EPHA5: variants seen among roughly 807,000 people sequenced by gnomAD.
The protein encoded by EPHA5 is EPH receptor A5.
EPHA5 carries 60 observed loss-of-function variants against 105.0 expected under a neutral mutation model. The ratio of observed to expected loss-of-function variants is 0.57; its 90% CI spans 0.46 to 0.71. The LOEUF is 0.71. Ranked by LOEUF, EPHA5 falls within the 30% of genes least tolerant of loss-of-function variation. The pLI is 0.00. For missense variants in EPHA5, 1,218 were observed against 1,274.7 expected, an observed-to-expected ratio of 0.96 and a Z score of 0.68; for synonymous variants, 513 against 449.1, an observed-to-expected ratio of 1.14 and a Z score of -1.80.
At chr4:65,353,175 G>T in intron 11 of EPHA5, 72 bp from the exon 12 acceptor site, 1 of 753,646 alleles carries the variant, frequency 1.3e-6, no homozygotes, top group Admixed American at 3.2e-5. Context: ...AGCTTACCCA[G>T]AAGTTTTTAT....
intron 11 of EPHA5, among the ~76,000 whole-genome samples, chr4:65,359,569 C>G (rs1199522528): frequency 1.3e-5 from 2 of 151,434 alleles, no homozygotes; most frequent in Non-Finnish European, 3.0e-5. Context: ...TTTGGAGGTA[C>G]TCAAGACAAA....
intron 3 of EPHA5, among the ~76,000 whole-genome samples, chr4:65,580,248 C>T (rs1741482537): frequency 6.6e-6 from 1 of 151,808 alleles, no homozygotes; most frequent in South Asian, 2.1e-4. Flanking sequence ...GTTATAGCTG[C>T]TGTAACTACA....
At position 65,414,323 on chromosome 4, in the gene EPHA5, C is replaced by T. The variant is rs2149018723; in HGVS notation, c.1648G>A (p.Val550Ile). 6.2e-7 allele frequency: 1 copy of T among 1,613,974 alleles called. No homozygotes were observed. Among genetic ancestry groups the T allele is most frequent in the South Asian group, 1.1e-5 (1 of 91,066 alleles). Residue 550 changes from valine to isoleucine, a missense_variant, in exon 7 of 17, where the codon GTC becomes ATC. Val to Ile is a conservative substitution (Grantham distance 29, BLOSUM62 3). Transcript: ENST00000613740. ...IRARTAAGYGVFSRRFEFETT... is the reference protein window; with the variant it reads ...IRARTAAGYGIFSRRFEFETT... ...TCAAACTCAAATCTTCGACTGAAGA[C>T]ACCATAGCCTGCTGCTGTACGTGCT...
At position 65,576,058 on chromosome 4, in the gene EPHA5, GAAAA is replaced by G. The variant is rs1560721074; in HGVS notation, c.910+25579_910+25582del. On this transcript the variant is annotated intron_variant, in intron 3 of 16. Transcript: ENST00000613740. Reference sequence around the variant, plus strand: ...AGAAAGAAAGAAAGAAAGAAAGAAAGAAAAGAAAAGAAAAGAAAAGAAAAGAAAA... The same window carrying G: ...AGAAAGAAAGAAAGAAAGAAAGAAAGGAAAAGAAAAGAAAAGAAAAGAAAA... 2.4e-3 allele frequency among the ~76,000 whole-genome samples: 123 copies of G among 50,828 alleles called. 2 individuals are homozygous for G. Among genetic ancestry groups the G allele is most frequent in the Middle Eastern group, 8.5e-3 (1 of 118 alleles). 33.3% of individuals were successfully genotyped at this position (50,828 alleles called of 152,430 possible).
chr4:65,474,274 T>C (rs10004866), intron 5 of EPHA5, among the ~76,000 whole-genome samples: 1 of 152,056 alleles, frequency 6.6e-6, no homozygotes, highest in Non-Finnish European at 1.5e-5. Context: ...GTTTTCATCT[T>C]CAAACGTCAT....
intron 5 of EPHA5, among the ~76,000 whole-genome samples, chr4:65,477,961 T>G (rs201186093): frequency 6.6e-6 from 1 of 152,146 alleles, no homozygotes; most frequent in East Asian, 1.9e-4. Flanking sequence ...CTAAAGTCAT[T>G]GAACAAAATA....
intron 5 of EPHA5, among the ~76,000 whole-genome samples, chr4:65,449,188 G>C (rs866886768): frequency 3.9e-5 from 6 of 152,014 alleles, no homozygotes; most frequent in Non-Finnish European, 5.9e-5. Context: ...CTATGACCAG[G>C]CAATTTGTAG....
At chr4:65,479,427 T>C (rs892706096) in intron 5 of EPHA5, among the ~76,000 whole-genome samples, 3 of 152,212 alleles carry the variant, frequency 2.0e-5, no homozygotes, top group Non-Finnish European at 4.4e-5. Flanking sequence ...AAATTTCTTC[T>C]GTTTAAATGT....
chr4:65,595,129 A>T (rs1743039960), intron 3 of EPHA5, among the ~76,000 whole-genome samples: 1 of 148,270 alleles, frequency 6.7e-6, no homozygotes, highest in Admixed American at 6.7e-5. Flanking sequence ...CCTAACTTCT[A>T]TGTTAAATGC....
chr4:65,359,988 G>A (rs748311185), intron 11 of EPHA5, among the ~76,000 whole-genome samples: 11 of 151,460 alleles, frequency 7.3e-5, no homozygotes, highest in Admixed American at 1.3e-4. Flanking sequence ...CCACTGCAGC[G>A]CCAATGGCCT....
At chr4:65,647,537 C>T (rs1033816843) in intron 1 of EPHA5, among the ~76,000 whole-genome samples, 1 of 151,990 alleles carries the variant, frequency 6.6e-6, no homozygotes, top group African/African-American at 2.4e-5. Context: ...GCAATGAATA[C>T]ATGAGTATTG....
intron 3 of EPHA5, among the ~76,000 whole-genome samples, chr4:65,583,944 C>T (rs1341772624): frequency 1.3e-5 from 2 of 151,406 alleles, no homozygotes; most frequent in South Asian, 2.1e-4. Flanking sequence ...AATATGTTTA[C>T]ACACTATATA....
chr4:65,321,228 C>G lies in EPHA5; in HGVS notation c.*2886G>C, dbSNP rs1225324600. The stretch of plus-strand genomic sequence containing the variant: ...TACAATAAGATTATGTATTATTTGC[C>G]AAATCTGTTGTATATACTAAAATTG... On this transcript the variant is annotated 3_prime_UTR_variant, in exon 17 of 17. Transcript: ENST00000613740. 1 of 230,306 alleles carries G rather than the reference C, an allele frequency of 4.3e-6. No individual in the cohort carries two copies. The highest frequency in any genetic ancestry group is 2.2e-5 in the African/African-American group (1 of 45,086). The allele number at this position is 230,306 out of a possible 1,614,324, so 14.3% of individuals were successfully genotyped here. A position where few individuals can be genotyped will look rare whatever the true frequency, so the allele number is the denominator to read the frequency against.
At chr4:65,598,584 A>AG (rs1743403628) in intron 3 of EPHA5, among the ~76,000 whole-genome samples, 2 of 152,186 alleles carry the variant, frequency 1.3e-5, no homozygotes, top group African/African-American at 4.8e-5. Context: ...ACAGATAACA[A>AG]GTATGCAAAT....
chr4:65,350,384 T>A (rs1722704518), intron 13 of EPHA5, among the ~76,000 whole-genome samples: 1 of 152,066 alleles, frequency 6.6e-6, no homozygotes, highest in Non-Finnish European at 1.5e-5. Flanking sequence ...AAAAAACCCT[T>A]ATAATCTGAA....
Position 65,410,309 on chromosome 4 carries a change from C to T in EPHA5, c.1687+3975G>A, listed in dbSNP as rs559446984. Among the ~76,000 whole-genome samples the T allele has an allele frequency of 5.4e-4, 82 of 152,186 alleles. 1 individual carries two copies. Among genetic ancestry groups the T allele is most frequent in the Admixed American group, 5.1e-3 (78 of 15,270 alleles). On this transcript the variant is annotated intron_variant, in intron 7 of 16. Transcript: ENST00000613740. ...CATGCTAAGTGAAAAAAGCCAATTCCAAATTAAAAGGCACGTACTGCATGT... is the reference window on the plus strand; with the variant it reads ...CATGCTAAGTGAAAAAAGCCAATTCTAAATTAAAAGGCACGTACTGCATGT...
chr4:65,350,098 A>T (rs1441279085), intron 13 of EPHA5, among the ~76,000 whole-genome samples: 1 of 152,138 alleles, frequency 6.6e-6, no homozygotes, highest in Non-Finnish European at 1.5e-5. Context: ...CTTAACTAAG[A>T]CACCCACCAA....
intron 5 of EPHA5, among the ~76,000 whole-genome samples, chr4:65,477,798 G>A (rs1485125995): frequency 6.6e-6 from 1 of 152,102 alleles, no homozygotes; most frequent in Admixed American, 6.6e-5. Context: ...ATCAAATAAG[G>A]AAATTCAAAT....
intron 3 of EPHA5, among the ~76,000 whole-genome samples, chr4:65,497,063 G>A (rs989738624): frequency 3.3e-5 from 5 of 152,062 alleles, no homozygotes; most frequent in African/African-American, 4.8e-5. Flanking sequence ...TGGGTCAGTC[G>A]AAGACTACCA....
Sources: gnomAD v4.1 joint callset for allele counts (sites outside exome capture counted in the v4.1 genomes callset) on GRCh38, gnomAD v4.1.1 for gene constraint, MANE v1.5 for transcripts, NCBI Gene and HGNC (gene_info 2026-07-23, HGNC 2026-07-21) for gene names.